Variants in PXDNL observed in about 807,000 individuals in gnomAD.
The protein encoded by PXDNL is probable oxidoreductase PXDNL.
In PXDNL, 145 loss-of-function variants were observed where a neutral mutation model predicts 150.8. That is an observed-to-expected ratio of 0.96 (90% confidence interval 0.84 to 1.10). PXDNL has a LOEUF of 1.10. Ranked by LOEUF, PXDNL falls within the 50% of genes least tolerant of loss-of-function variation. The pLI is 0.00. For synonymous variants in PXDNL, 757 were observed against 725.7 expected (o/e 1.04, Z -0.69); for missense variants, 2,087 against 1,873.9 (o/e 1.11, Z -2.10).
chr8:51,453,021 CCTT>C (rs1286599994), intron 10 of PXDNL, among the ~76,000 whole-genome samples: 1 of 151,858 alleles, frequency 6.6e-6, no homozygotes, highest in Non-Finnish European at 1.5e-5. Flanking sequence ...GAAGAATGTG[CCTT>C]CTTTATAACA....
At chr8:51,467,844 A>T (rs945386111) in intron 8 of PXDNL, among the ~76,000 whole-genome samples, 8 of 152,012 alleles carry the variant, frequency 5.3e-5, no homozygotes, top group African/African-American at 1.9e-4. Flanking sequence ...CTTCGTTCTG[A>T]GCTTTTAATT....
At chr8:51,327,895 GAGAGGC>G (rs151023509) in intron 21 of PXDNL, among the ~76,000 whole-genome samples, 3,644 of 152,342 alleles carry the variant, frequency 0.024, 149 homozygotes, top group African/African-American at 0.08. Flanking sequence ...AGGATAACAA[GAGAGGC>G]AGCAACCAAG....
intron 3 of PXDNL, among the ~76,000 whole-genome samples, chr8:51,586,060 T>G (rs1813316179): frequency 6.6e-6 from 1 of 152,144 alleles, no homozygotes; most frequent in South Asian, 2.1e-4. Flanking sequence ...CATACCCCTT[T>G]GCAAGGTGAT....
intron 19 of PXDNL, among the ~76,000 whole-genome samples, chr8:51,350,354 C>CTTT (rs1163628780): frequency 0.055 from 4,254 of 77,658 alleles, 270 homozygotes; most frequent in East Asian, 0.083. Context: ...AATGCAGCTT[C>CTTT]TTTTTTTTTT....
rs142571676 is a variant in PXDNL, at chr8:51,391,652, G to A, written c.3557+16415C>T. On this transcript the variant is annotated intron_variant, in intron 17 of 22. Coordinates refer to ENST00000356297, the MANE Select transcript of PXDNL (RefSeq NM_144651.5). ...TCTGGATATTGGCCCTCTGTCAGAT[G>A]AGCAGGTTGCGAAAATTTTCTCCCA... Among the ~76,000 whole-genome samples, 117 of 152,246 alleles carry A rather than the reference G, an allele frequency of 7.7e-4. 1 individual carries two copies. Among genetic ancestry groups the A allele is most frequent in the African/African-American group, 2.7e-3 (111 of 41,534 alleles).
chr8:51,411,515 T>C, intron 15 of PXDNL, 108 bp from the exon 16 acceptor site: 1 of 1,030,140 alleles, frequency 9.7e-7, no homozygotes, highest in Non-Finnish European at 1.3e-6. Context: ...TCGAGAAGAA[T>C]GAAAGCTCCA....
At position 51,439,899 on chromosome 8, in the gene PXDNL, C is replaced by T. The variant is rs925794338; in HGVS notation, c.1525+7105G>A. Among the ~76,000 whole-genome samples the T allele has an allele frequency of 9.2e-5, 14 of 151,640 alleles. No individual in the cohort carries two copies. In the South Asian group the frequency reaches 1.5e-3, roughly 16 times the overall value. ...ACAATTCCCCTACTGGATATTTACCCAGAGGAAAAGAAGTCATTGCACCAA... is the reference window on the plus strand; with the variant it reads ...ACAATTCCCCTACTGGATATTTACCTAGAGGAAAAGAAGTCATTGCACCAA... On this transcript the variant is annotated intron_variant, in intron 12 of 22. Transcript: ENST00000356297.
chr8:51,575,410 T>C (rs1813030952), intron 3 of PXDNL, among the ~76,000 whole-genome samples: 1 of 151,386 alleles, frequency 6.6e-6, no homozygotes, highest in African/African-American at 2.4e-5. Flanking sequence ...ATAATTACAT[T>C]AAATAAAAAT....
At chr8:51,396,286 C>T (rs929013761) in intron 17 of PXDNL, among the ~76,000 whole-genome samples, 1 of 152,226 alleles carries the variant, frequency 6.6e-6, no homozygotes, top group African/African-American at 2.4e-5. Flanking sequence ...TTGCAGGCCT[C>T]TGGCTGCAGG....
rs771911442 is a variant in PXDNL, at chr8:51,475,155, C to G, written c.525-14G>C. 3.1e-6 allele frequency: 5 copies of G among 1,607,002 alleles called. No homozygotes were observed. The South Asian group carries it at 5.5e-5, about 18-fold the overall frequency. Reference sequence around the variant, plus strand: ...GAATCCAGACGCCTAGGCATGCAGGCAAGAAGTACAACTGTTAAAAGGGAC... The same window carrying G: ...GAATCCAGACGCCTAGGCATGCAGGGAAGAAGTACAACTGTTAAAAGGGAC... On this transcript the variant is annotated splice_polypyrimidine_tract_variant and intron_variant, in intron 6 of 22. Coordinates refer to ENST00000356297, the MANE Select transcript of PXDNL (RefSeq NM_144651.5).
chr8:51,744,075 AAG>A lies in PXDNL; in HGVS notation c.164+65104_164+65105del, dbSNP rs1563307153. Reference sequence around the variant, plus strand: ...GAAGGAAGGAAGGAAGGAAGGAAGGAAGGAAGGAAGGAAGGAAGGAAAGAAAG... The same window carrying A: ...GAAGGAAGGAAGGAAGGAAGGAAGGAGAAGGAAGGAAGGAAGGAAAGAAAG... On this transcript the variant is annotated intron_variant, in intron 1 of 22. Coordinates refer to ENST00000356297, the MANE Select transcript of PXDNL (RefSeq NM_144651.5). Among the ~76,000 whole-genome samples, 168 of 83,998 alleles carry A rather than the reference AAG, an allele frequency of 2.0e-3. 6 individuals carry two copies. Among genetic ancestry groups the A allele is most frequent in the African/African-American group, 3.5e-3 (66 of 18,658 alleles). The allele number at this position is 83,998 out of a possible 152,430, so 55.1% of individuals were successfully genotyped here. A position where few individuals can be genotyped will look rare whatever the true frequency, so the allele number is the denominator to read the frequency against.
intron 1 of PXDNL, among the ~76,000 whole-genome samples, chr8:51,760,790 G>T (rs2037153246): frequency 6.8e-6 from 1 of 147,614 alleles, no homozygotes; most frequent in Non-Finnish European, 1.5e-5. Context: ...TTAGTTCATG[G>T]TGAAATCCCT....
chr8:51,339,882 A>G lies in PXDNL; in HGVS notation c.4017-129T>C. On this transcript the variant is annotated intron_variant, in intron 20 of 22. Transcript: ENST00000356297. ...TGTGATTGGTGTTCTTTGTGATCTT[A>G]AAAGGAAAATGGTATGAGTGGAATT... 3 of 849,960 alleles carry G rather than the reference A, an allele frequency of 3.5e-6. No individual in the cohort carries two copies. The South Asian group carries it at 6.0e-5, about 17-fold the overall frequency. The allele number at this position is 849,960 out of a possible 1,614,324, so 52.7% of individuals were successfully genotyped here. A position where few individuals can be genotyped will look rare whatever the true frequency, so the allele number is the denominator to read the frequency against.
At chr8:51,421,976 G>A (rs2129721468) in intron 14 of PXDNL, among the ~76,000 whole-genome samples, 1 of 152,276 alleles carries the variant, frequency 6.6e-6, no homozygotes, top group South Asian at 2.1e-4. Context: ...CAGGAGGCGA[G>A]CAGCAGGCAA....
chr8:51,674,309 C>A lies in PXDNL; in HGVS notation c.165-19549G>T, dbSNP rs1815560269. 2.6e-5 allele frequency among the ~76,000 whole-genome samples: 4 copies of A among 152,176 alleles called. 1 individual carries two copies. Among genetic ancestry groups the A allele is most frequent in the Admixed American group, 2.6e-4 (4 of 15,286 alleles). ...TGGTACTGAGATGGATTCGATGACTCCAGCTGAATAGCCCTGGGAGCTGGA... is the reference window on the plus strand; with the variant it reads ...TGGTACTGAGATGGATTCGATGACTACAGCTGAATAGCCCTGGGAGCTGGA... On this transcript the variant is annotated intron_variant, in intron 1 of 22. Coordinates refer to ENST00000356297, the MANE Select transcript of PXDNL (RefSeq NM_144651.5).
chr8:51,774,268 G>A (rs1272467201), intron 1 of PXDNL, among the ~76,000 whole-genome samples: 1 of 152,084 alleles, frequency 6.6e-6, no homozygotes, highest in African/African-American at 2.4e-5. Flanking sequence ...CCACTTAAAA[G>A]CAATAATGTT....
At chr8:51,492,990 T>C (rs1437415279) in intron 5 of PXDNL, among the ~76,000 whole-genome samples, 6 of 152,182 alleles carry the variant, frequency 3.9e-5, no homozygotes, top group Non-Finnish European at 7.4e-5. Flanking sequence ...CCTCCTCAAG[T>C]GGGTCTCTGA....
Position 51,320,948 on chromosome 8 carries a change from C to A in PXDNL, c.4147-51G>T, listed in dbSNP as rs373372683. 20 of 1,286,860 alleles carry A rather than the reference C, an allele frequency of 1.6e-5. No homozygotes were observed. In the East Asian group the frequency reaches 2.8e-4, roughly 18 times the overall value. 79.7% of individuals were successfully genotyped at this position (1,286,860 alleles called of 1,614,324 possible). The stretch of plus-strand genomic sequence containing the variant: ...GAGTGGAAATTGAAGCGGATAGCAA[C>A]AAAGCCAATCAATAACATGGTTTGA... On this transcript the variant is annotated intron_variant, in intron 21 of 22. Transcript: ENST00000356297.
intron 8 of PXDNL, 91 bp from the exon 9 acceptor site, chr8:51,457,758 G>T: frequency 2.4e-6 from 2 of 824,690 alleles, no homozygotes; most frequent in Non-Finnish European, 3.6e-6. Context: ...ATATAGCTAT[G>T]TTTCATGTCT....
Sources: allele counts gnomAD v4.1 joint callset (sites outside exome capture counted in the v4.1 genomes callset), GRCh38; gene constraint gnomAD v4.1.1; transcripts MANE v1.5; gene names NCBI Gene and HGNC (gene_info 2026-07-23, HGNC 2026-07-21).